The following TASOR variants were observed in gnomAD, a reference collection of about 807,000 sequenced individuals.
TASOR encodes the protein transcription activation suppressor, also known as protein TASOR.
In TASOR, 53 loss-of-function variants were observed where a neutral mutation model predicts 178.6. That is an observed-to-expected ratio of 0.30 (90% CI 0.24 to 0.37). The LOEUF (loss-of-function observed/expected upper bound fraction) is 0.37. Ranked by LOEUF, TASOR falls within the 10% of genes least tolerant of loss-of-function variation. The pLI, the probability that TASOR is intolerant of heterozygous loss-of-function variation, is 1.00. For synonymous variants in TASOR, 713 were observed against 696.2 expected (o/e 1.02, Z -0.38); for missense variants, 1,815 against 1,971.4 (o/e 0.92, Z 1.50).
intron 14 of TASOR, among the ~76,000 whole-genome samples, chr3:56,642,172 T>C (rs1171029413): frequency 2.0e-5 from 3 of 152,212 alleles, no homozygotes. Context: ...ATCTTTTCCA[T>C]ACCTATTATA....
chr3:56,643,672 G>A (rs982817775), intron 14 of TASOR, among the ~76,000 whole-genome samples: 7 of 151,140 alleles, frequency 4.6e-5, no homozygotes, highest in Non-Finnish European at 7.4e-5. Flanking sequence ...AGAGAATGGC[G>A]AGAACCAGGG....
intron 14 of TASOR, among the ~76,000 whole-genome samples, chr3:56,643,198 G>A (rs921637761): frequency 1.3e-5 from 2 of 151,632 alleles, no homozygotes; most frequent in Admixed American, 6.6e-5. Flanking sequence ...AGGAGGCAGA[G>A]GTTGCAATGA....
intron 18 of TASOR, among the ~76,000 whole-genome samples, chr3:56,630,649 G>T (rs2076890149): frequency 1.3e-5 from 2 of 152,098 alleles, no homozygotes; most frequent in Admixed American, 1.3e-4. Flanking sequence ...TTCGAGACCA[G>T]CCTGGCCAAC....
intron 11 of TASOR, 54 bp downstream of exon 11, chr3:56,660,677 G>A (rs2077575394): frequency 7.5e-7 from 1 of 1,332,956 alleles, no homozygotes; most frequent in Admixed American, 1.7e-5. Flanking sequence ...GATCACACAT[G>A]AATATGCATA....
chr3:56,650,827 T>C (rs1578240177), intron 11 of TASOR, among the ~76,000 whole-genome samples: 2 of 152,186 alleles, frequency 1.3e-5, no homozygotes, highest in African/African-American at 4.8e-5. Context: ...TCTCTTAGAG[T>C]ATACTACAAG....
chr3:56,668,612 T>C (rs1200582245), intron 5 of TASOR, 54 bp from the exon 6 acceptor site: 2 of 1,201,876 alleles, frequency 1.7e-6, no homozygotes, highest in South Asian at 1.5e-5. Context: ...GTTGACTATA[T>C]AACATTAATA....
chr3:56,632,522 G>A (rs2076938147), intron 18 of TASOR, among the ~76,000 whole-genome samples: 1 of 151,696 alleles, frequency 6.6e-6, no homozygotes, highest in Non-Finnish European at 1.5e-5. Flanking sequence ...TTCAAATCAA[G>A]TTTAAAAGGT....
intron 21 of TASOR, among the ~76,000 whole-genome samples, chr3:56,625,690 CT>C (rs879938687): frequency 0.028 from 4,131 of 146,252 alleles, 90 homozygotes; most frequent in African/African-American, 0.062. Flanking sequence ...TAAGCTATTT[CT>C]TTTTTTTTTT....
At chr3:56,682,554 G>T in intron 1 of TASOR, 122 bp downstream of exon 1, 1 of 938,602 alleles carries the variant, frequency 1.1e-6, no homozygotes. Context: ...GAGGGGAGAG[G>T]CGGCCGGCGC....
At chr3:56,642,661 A>G (rs1284839672) in intron 14 of TASOR, among the ~76,000 whole-genome samples, 1 of 152,178 alleles carries the variant, frequency 6.6e-6, no homozygotes, top group African/African-American at 2.4e-5. Flanking sequence ...GCTACCTAAC[A>G]AAGAACACAA....
chr3:56,636,281 C>CA (rs201891438), intron 17 of TASOR, among the ~76,000 whole-genome samples: 25,191 of 137,076 alleles, frequency 0.18, 2,707 homozygotes, highest in South Asian at 0.37. Context: ...GATTCTGTTG[C>CA]AAAAAAAAAT....
intron 17 of TASOR, among the ~76,000 whole-genome samples, chr3:56,636,590 A>G (rs1257682867): frequency 6.6e-6 from 1 of 151,774 alleles, no homozygotes; most frequent in Non-Finnish European, 1.5e-5. Context: ...TTTTTAGTAG[A>G]CAGGGTTTTA....
Position 56,621,275 on chromosome 3 carries a change from C to A in TASOR, c.*1762G>T. 1 of 282,262 alleles carries A rather than the reference C, an allele frequency of 3.5e-6. No homozygotes were observed. The highest frequency in any genetic ancestry group is 6.6e-6 in the Non-Finnish European group (1 of 152,094). The allele number at this position is 282,262 out of a possible 1,614,324, so 17.5% of individuals were successfully genotyped here. Reference sequence around the variant, plus strand: ...GGGAGAAGGGATGACTTCATTTACCCCCATAGTTATGGAGTCTTGAGTTCT... The same window carrying A: ...GGGAGAAGGGATGACTTCATTTACCACCATAGTTATGGAGTCTTGAGTTCT... On this transcript the variant is annotated 3_prime_UTR_variant, in exon 24 of 24. Transcript: ENST00000683822.
chr3:56,678,283 G>A lies in TASOR; in HGVS notation c.331+4393C>T, dbSNP rs544459406. Among the ~76,000 whole-genome samples the A allele has an allele frequency of 7.5e-5, 11 of 146,540 alleles. No individual in the cohort carries two copies. The South Asian group carries it at 2.3e-3, about 31-fold the overall frequency. On this transcript the variant is annotated intron_variant, in intron 1 of 23. Transcript: ENST00000683822. Reference sequence around the variant, plus strand: ...TGCAACTTCCACCTCCTGGGTTCAAGCTATTCTCCTGCCTCAGCCTCCCGA... The same window carrying A: ...TGCAACTTCCACCTCCTGGGTTCAAACTATTCTCCTGCCTCAGCCTCCCGA...
rs1189115334 is a variant in TASOR, at chr3:56,665,203, G to T, written c.1022+1057C>A. 7.6e-4 allele frequency among the ~76,000 whole-genome samples: 115 copies of T among 152,112 alleles called. 2 individuals are homozygous for T. Among genetic ancestry groups the T allele is most frequent in the Non-Finnish European group, 5.9e-5 (4 of 68,026 alleles). Reference sequence around the variant, plus strand: ...AAGAAACAGAGGGTCCTCAACACTGGCTGAAAATCAGAATCACCTGGAAGC... The same window carrying T: ...AAGAAACAGAGGGTCCTCAACACTGTCTGAAAATCAGAATCACCTGGAAGC... On this transcript the variant is annotated intron_variant, in intron 7 of 23. Transcript: ENST00000683822.
intron 7 of TASOR, 119 bp downstream of exon 7, chr3:56,666,141 T>C: frequency 1.3e-6 from 1 of 759,566 alleles, no homozygotes. Flanking sequence ...CCAACCAACT[T>C]CAAGGGAAGT....
chr3:56,623,124 A>G lies in TASOR; in HGVS notation c.4926T>C (p.Tyr1642=), dbSNP rs191234992. 1.9e-6 allele frequency: 3 copies of G among 1,613,800 alleles called. No individual in the cohort carries two copies. The highest frequency in any genetic ancestry group is 2.7e-5 in the African/African-American group (2 of 75,054). ...QENENYFLSA[Y]TESLDRDKSP... ...ATTTATCTCTATCCAAGCTTTCAGTATAAGCAGATAAGAAGTAATTCTCAT... is the reference window on the plus strand; with the variant it reads ...ATTTATCTCTATCCAAGCTTTCAGTGTAAGCAGATAAGAAGTAATTCTCAT... The change falls in exon 24 of 24, where the codon TAT becomes TAC. Residue 1642 remains tyrosine, a synonymous_variant. Coordinates refer to ENST00000683822, the MANE Select transcript of TASOR (RefSeq NM_001365635.2).
chr3:56,624,340 A>G, intron 23 of TASOR, 139 bp downstream of exon 23: 1 of 763,022 alleles, frequency 1.3e-6, no homozygotes, highest in Non-Finnish European at 2.1e-6. Flanking sequence ...AGAATGATAA[A>G]TGTCTTGAAA....
At chr3:56,682,473 G>A (rs561924681) in intron 1 of TASOR, among the ~76,000 whole-genome samples, 2 of 152,028 alleles carry the variant, frequency 1.3e-5, no homozygotes, top group Admixed American at 6.6e-5. Context: ...TCCGCGGGGA[G>A]GGGCAGCAGG....
Sources: allele counts gnomAD v4.1 joint callset (sites outside exome capture counted in the v4.1 genomes callset), GRCh38; gene constraint gnomAD v4.1.1; transcripts MANE v1.5; gene names NCBI Gene and HGNC (gene_info 2026-07-23, HGNC 2026-07-21).